Variants in CWF19L2 observed in about 807,000 individuals in gnomAD.
The protein encoded by CWF19L2 is CWF19 like cell cycle control factor 2.
A neutral mutation model predicts 111.7 loss-of-function variants in CWF19L2; 98 were observed. That is an observed-to-expected ratio of 0.88 (90% CI 0.75 to 1.04). CWF19L2 has a LOEUF of 1.04. Ranked by LOEUF, CWF19L2 falls within the 50% of genes least tolerant of loss-of-function variation. The pLI, the probability that CWF19L2 is intolerant of heterozygous loss-of-function variation, is 0.00. For missense variants in CWF19L2, 1,101 were observed against 1,051.4 expected (o/e 1.05, Z -0.65); for synonymous variants, 351 against 342.9 (o/e 1.02, Z -0.26).
chr11:107,428,771 C>A, intron 8 of CWF19L2, 28 bp downstream of exon 8: 1 of 1,543,002 alleles, frequency 6.5e-7, no homozygotes, highest in Non-Finnish European at 8.8e-7. Flanking sequence ...TGGATCTTAA[C>A]TTATTAGGTT....
chr11:107,402,851 G>C (rs1861021111), intron 10 of CWF19L2, among the ~76,000 whole-genome samples: 2 of 120,402 alleles, frequency 1.7e-5, no homozygotes, highest in East Asian at 2.3e-4. Flanking sequence ...CAATCAACGA[G>C]TGGATAAACA....
Position 107,353,561 on chromosome 11 carries a change from T to C in CWF19L2, c.2048A>G (p.Gln683Arg), listed in dbSNP as rs929995578. Residue 683 changes from glutamine (Q) to arginine (R), a missense_variant, in exon 13 of 18, where the codon CAA (glutamine) becomes CGA (arginine). Coordinates refer to ENST00000282251, the MANE Select transcript of CWF19L2 (RefSeq NM_152434.3). ...TGCAACAATAAGATGCTTGGGAAATTGAGAGCTGTCAAAACAATACAGACA... is the reference window on the plus strand; with the variant it reads ...TGCAACAATAAGATGCTTGGGAAATCGAGAGCTGTCAAAACAATACAGACA... ...EKCLYCFDSS[Q>R]FPKHLIVAIG... is the part of the protein sequence containing the mutation. 1 of 1,613,752 alleles carries C rather than the reference T, an allele frequency of 6.2e-7. No homozygotes were observed. Among genetic ancestry groups the C allele is most frequent in the Non-Finnish European group, 8.5e-7 (1 of 1,179,732 alleles).
intron 12 of CWF19L2, among the ~76,000 whole-genome samples, chr11:107,374,413 G>T (rs1246103118): frequency 4.4e-5 from 6 of 134,890 alleles, no homozygotes; most frequent in African/African-American, 1.8e-4. Flanking sequence ...CAGACTAACA[G>T]CAGATCTCTC....
At position 107,455,744 on chromosome 11, in the gene CWF19L2, A is replaced by T. The variant is rs771227836; in HGVS notation, c.138T>A (p.Arg46=). The change falls in exon 2 of 18, where the codon CGT becomes CGA. Residue 46 remains arginine, a synonymous_variant. Transcript: ENST00000282251. ...AKANFEKEER[R]KELKRLRGED... is the part of the protein sequence containing the mutation. ...CACCCCGAAGTCGCTTAAGTTCTTT[A>T]CGCCTTTCTTCTTTTTCAAAATTGG... 68 of 1,551,120 alleles carry T rather than the reference A, an allele frequency of 4.4e-5. No individual in the cohort carries two copies. The East Asian group carries it at 1.2e-3, about 28-fold the overall frequency.
chr11:107,402,873 G>GTGTGTATATATATA (rs1247886311), intron 10 of CWF19L2, among the ~76,000 whole-genome samples: 17 of 94,450 alleles, frequency 1.8e-4, no homozygotes, highest in East Asian at 6.0e-4. Context: ...ACTGTGGTGT[G>GTGTGTATATATATA]TATATATATA....
At chr11:107,341,494 A>C (rs1345265017) in intron 14 of CWF19L2, among the ~76,000 whole-genome samples, 1 of 152,118 alleles carries the variant, frequency 6.6e-6, no homozygotes, top group Admixed American at 6.6e-5. Context: ...ATTTGCTAAT[A>C]TTTTGTTGAT....
rs1490567816 is a variant in CWF19L2 at position 107,373,521 on chromosome 11, C to A, written c.1872+16553G>T. 2.3e-5 allele frequency among the ~76,000 whole-genome samples: 3 copies of A among 131,234 alleles called. 1 individual carries two copies. The highest frequency in any genetic ancestry group is 9.1e-5 in the African/African-American group (3 of 32,950). The allele number at this position is 131,234 out of a possible 152,430, so 86.1% of individuals were successfully genotyped here. On this transcript the variant is annotated intron_variant, in intron 12 of 17. Transcript: ENST00000282251. Reference sequence around the variant, plus strand: ...CCCCAGGAGGGGCAGACTGACACCTCACATGGCTGGGTACTTCAACAGACC... The same window carrying A: ...CCCCAGGAGGGGCAGACTGACACCTAACATGGCTGGGTACTTCAACAGACC...
At chr11:107,451,893 C>T (rs1451194858) in intron 3 of CWF19L2, among the ~76,000 whole-genome samples, 1 of 152,134 alleles carries the variant, frequency 6.6e-6, no homozygotes, top group Non-Finnish European at 1.5e-5. Flanking sequence ...ATTCAAGATA[C>T]AAACTCTCAG....
At chr11:107,399,087 A>G (rs1860964608) in intron 10 of CWF19L2, among the ~76,000 whole-genome samples, 1 of 152,204 alleles carries the variant, frequency 6.6e-6, no homozygotes, top group Admixed American at 6.5e-5. Flanking sequence ...CTTTTACACC[A>G]AAACAGAACC....
rs993120692 is a variant in CWF19L2 at position 107,427,542 on chromosome 11, C to T, written c.1433+1257G>A. Among the ~76,000 whole-genome samples, 6 of 152,110 alleles carry T rather than the reference C, an allele frequency of 3.9e-5. No homozygotes were observed. The East Asian group carries it at 7.7e-4, about 20-fold the overall frequency. On this transcript the variant is annotated intron_variant, in intron 8 of 17. Coordinates refer to ENST00000282251, the MANE Select transcript of CWF19L2 (RefSeq NM_152434.3). Reference sequence around the variant, plus strand: ...TCAGACAACCGGTTGGAATACTAATCGTGTGGTATTACTTTGCAGACATTT... The same window carrying T: ...TCAGACAACCGGTTGGAATACTAATTGTGTGGTATTACTTTGCAGACATTT...
At chr11:107,343,663 G>T (rs143583067) in intron 14 of CWF19L2, among the ~76,000 whole-genome samples, 6 of 151,586 alleles carry the variant, frequency 4.0e-5, no homozygotes, top group Admixed American at 2.0e-4. Context: ...CTTGCCTTCC[G>T]ATGGTTATTT....
intron 8 of CWF19L2, among the ~76,000 whole-genome samples, chr11:107,420,465 G>A (rs1314557278): frequency 2.0e-5 from 3 of 151,994 alleles, no homozygotes; most frequent in Non-Finnish European, 2.9e-5. Flanking sequence ...CAGCAAGAGC[G>A]TTTGAATACA....
chr11:107,368,046 C>T lies in CWF19L2; in HGVS notation c.1873-14310G>A, dbSNP rs1440656851. ...TAATCTAATGTGACACCTCAAGAAA[C>T]TAGAGAAGCAAGAAGGAACCAACCT... is the stretch of plus-strand genomic sequence containing the variant. On this transcript the variant is annotated intron_variant, in intron 12 of 17. Transcript: ENST00000282251. Among the ~76,000 whole-genome samples the T allele has an allele frequency of 1.5e-5, 2 of 135,238 alleles. 1 individual carries two copies. Among genetic ancestry groups the T allele is most frequent in the African/African-American group, 5.9e-5 (2 of 33,756 alleles). 88.7% of individuals were successfully genotyped at this position (135,238 alleles called of 152,430 possible).
At chr11:107,346,356 T>C (rs1414445725) in intron 14 of CWF19L2, among the ~76,000 whole-genome samples, 1 of 152,132 alleles carries the variant, frequency 6.6e-6, no homozygotes, top group Non-Finnish European at 1.5e-5. Flanking sequence ...ATTTAAACAA[T>C]TGTTTAAAAG....
chr11:107,372,057 A>G lies in CWF19L2; in HGVS notation c.1872+18017T>C, dbSNP rs1444905195. On this transcript the variant is annotated intron_variant, in intron 12 of 17. Coordinates refer to ENST00000282251, the MANE Select transcript of CWF19L2 (RefSeq NM_152434.3). ...GTGAAAAGGGGGTTTCTGGAATTCC[A>G]TGCACTTGACTTCAAGTCCCAAATA... Among the ~76,000 whole-genome samples the G allele has an allele frequency of 5.1e-5, 7 of 136,036 alleles. 1 individual carries two copies. The highest frequency in any genetic ancestry group is 9.4e-5 in the Non-Finnish European group (6 of 63,964). 89.2% of individuals were successfully genotyped at this position (136,036 alleles called of 152,430 possible). A position where few individuals can be genotyped will look rare whatever the true frequency, so the allele number is the denominator to read the frequency against.
intron 11 of CWF19L2, among the ~76,000 whole-genome samples, chr11:107,391,643 T>C (rs1396530552): frequency 1.3e-5 from 2 of 152,210 alleles, no homozygotes; most frequent in Non-Finnish European, 2.9e-5. Flanking sequence ...AAAAATACTG[T>C]TTATTTCCTC....
At chr11:107,420,162 C>A (rs946692361) in intron 8 of CWF19L2, among the ~76,000 whole-genome samples, 24 of 151,978 alleles carry the variant, frequency 1.6e-4, no homozygotes, top group Admixed American at 5.9e-4. Flanking sequence ...AGCAAAGTTA[C>A]ATATTTGAAC....
Position 107,353,683 on chromosome 11 carries a change from G to A in CWF19L2, c.1926C>T (p.Ser642=), listed in dbSNP as rs1860191702. The change falls in exon 13 of 18, where the codon TCC becomes TCT. Residue 642 remains serine, a synonymous_variant. Coordinates refer to ENST00000282251, the MANE Select transcript of CWF19L2 (RefSeq NM_152434.3). ...DYYTLDDMFV[S]KAAERERLGE... is the part of the protein sequence containing the mutation. ...CAAGACGTTCTCTCTCAGCTGCTTT[G>A]GAGACAAACATGTCATCCAGGGTGT... 1 of 1,613,600 alleles carries A rather than the reference G, an allele frequency of 6.2e-7. No individual in the cohort carries two copies. The highest frequency in any genetic ancestry group is 8.5e-7 in the Non-Finnish European group (1 of 1,179,728).
chr11:107,434,894 C>T (rs972723994), intron 6 of CWF19L2, among the ~76,000 whole-genome samples: 2 of 151,882 alleles, frequency 1.3e-5, no homozygotes, highest in Non-Finnish European at 2.9e-5. Context: ...GCTGAGTACA[C>T]AAACGTTTTC....
Sources: allele counts gnomAD v4.1 joint callset (sites outside exome capture counted in the v4.1 genomes callset), GRCh38; gene constraint gnomAD v4.1.1; transcripts MANE v1.5; gene names NCBI Gene and HGNC (gene_info 2026-07-23, HGNC 2026-07-21).